RAPGEF3: variants seen among roughly 807,000 people sequenced by gnomAD.
RAPGEF3 encodes the protein 9330170P05Rik.
In RAPGEF3, 103 loss-of-function variants were observed where a neutral mutation model predicts 129.8. The ratio of observed to expected loss-of-function variants is 0.79; its 90% CI spans 0.68 to 0.93. RAPGEF3 has a LOEUF of 0.93. Ranked by LOEUF, RAPGEF3 falls within the 40% of genes least tolerant of loss-of-function variation. The pLI, the probability that RAPGEF3 is intolerant of heterozygous loss-of-function variation, is 0.00. For missense variants in RAPGEF3, 1,117 were observed against 1,207.4 expected (o/e 0.93, Z 1.11); for synonymous variants, 436 against 482.6 (o/e 0.90, Z 1.26).
chr12:47,738,147 G>T (rs987144364), intron 26 of RAPGEF3, 46 bp downstream of exon 26: 6 of 1,613,984 alleles, frequency 3.7e-6, no homozygotes, highest in Non-Finnish European at 4.2e-6. Context: ...GCCTCACAGA[G>T]GATGTAGGGT....
At position 47,741,512 on chromosome 12, in the gene RAPGEF3, T is replaced by G. The variant is rs199902739; in HGVS notation, c.1916A>C (p.His639Pro). 13 of 1,613,918 alleles carry G rather than the reference T, an allele frequency of 8.1e-6. No individual in the cohort carries two copies. The Admixed American group carries it at 1.2e-4, about 14-fold the overall frequency. The part of the protein sequence containing the change: ...RLFVVNPQEV[H>P]ELIPHPDQLG... ...ACCCTGCCTGGTCCCTACCAGCTCA[T>G]GCACTTCCTGTGGGTTGACAACAAA... Residue 639 changes from histidine (H) to proline (P), a missense_variant, in exon 19 of 28, where the codon CAT becomes CCT. Coordinates refer to ENST00000449771, the MANE Select transcript of RAPGEF3 (RefSeq NM_001098531.4).
chr12:47,747,658 G>A (rs1163527399), intron 14 of RAPGEF3, 32 bp from the exon 15 acceptor site: 2 of 1,612,938 alleles, frequency 1.2e-6, no homozygotes, highest in African/African-American at 1.3e-5. Context: ...TGAGATGGCT[G>A]TAGCTGCATC....
chr12:47,738,249 T>A lies in RAPGEF3; in HGVS notation c.2527-2A>T, dbSNP rs755237168. The A allele has an allele frequency of 2.5e-6, 4 of 1,613,232 alleles. No homozygotes were observed. In the South Asian group the frequency reaches 4.4e-5, roughly 18 times the overall value. On this transcript the variant is annotated splice_acceptor_variant, in intron 25 of 27. Coordinates refer to ENST00000449771, the MANE Select transcript of RAPGEF3 (RefSeq NM_001098531.4). LOFTEE classifies it high-confidence loss of function. ...CCGCGCGGCTCTGGCCATCATTCTC[T>A]GCGGACAACACCGGGGCATAAGCTC...
chr12:47,739,983 C>A, intron 23 of RAPGEF3, 158 bp downstream of exon 23: 1 of 857,184 alleles, frequency 1.2e-6, no homozygotes, highest in South Asian at 1.5e-5. Flanking sequence ...CCCAAACTCA[C>A]AGGCTGGAGC....
chr12:47,753,316 C>G (rs1941862605), intron 2 of RAPGEF3, among the ~76,000 whole-genome samples: 1 of 152,216 alleles, frequency 6.6e-6, no homozygotes, highest in South Asian at 2.1e-4. Context: ...TCTCAGTCTC[C>G]CTACACCCAC....
In RAPGEF3 at chr12:47,738,177, G is replaced by A; in HGVS notation, c.2581+16C>T. ...TAGGGTGGGGGACCTCCCACCCCGGGGACCCGCCCTCTCACCAGGGTTGTG... is the reference window on the plus strand; with the variant it reads ...TAGGGTGGGGGACCTCCCACCCCGGAGACCCGCCCTCTCACCAGGGTTGTG... On this transcript the variant is annotated intron_variant, in intron 26 of 27. Coordinates refer to ENST00000449771, the MANE Select transcript of RAPGEF3 (RefSeq NM_001098531.4). 1 of 1,613,880 alleles carries A rather than the reference G, an allele frequency of 6.2e-7. No homozygotes were observed. Among genetic ancestry groups the A allele is most frequent in the South Asian group, 1.1e-5 (1 of 91,060 alleles).
At chr12:47,738,575 A>C in intron 25 of RAPGEF3, 115 bp downstream of exon 25, 1 of 950,024 alleles carries the variant, frequency 1.1e-6, no homozygotes, top group Non-Finnish European at 1.7e-6. Context: ...GTAAGTATTC[A>C]TCCTCATATT....
At position 47,758,744 on chromosome 12, in the gene RAPGEF3, T is replaced by C; in HGVS notation, c.-188A>G. ...AGGATGCAGGGCTCGGTGGAGAGGC[T>C]CCTCTTGGGTGAGTAGAGGGGTGGG... On this transcript the variant is annotated 5_prime_UTR_variant, in exon 1 of 28. Coordinates refer to ENST00000449771, the MANE Select transcript of RAPGEF3 (RefSeq NM_001098531.4). 8.7e-7 allele frequency: 1 copy of C among 1,149,002 alleles called. No individual in the cohort carries two copies. The highest frequency in any genetic ancestry group is 1.1e-6 in the Non-Finnish European group (1 of 927,066). 71.2% of individuals were successfully genotyped at this position (1,149,002 alleles called of 1,614,324 possible). A position where few individuals can be genotyped will look rare whatever the true frequency, so the allele number is the denominator to read the frequency against.
rs1395252419 is a variant in RAPGEF3 at position 47,749,589 on chromosome 12, C to T, written c.895-53G>A. On this transcript the variant is annotated intron_variant, in intron 9 of 27. Transcript: ENST00000449771. The surrounding 1 kb of genome is among the most constrained non-coding windows in gnomAD (Gnocchi z 4.5). ...CCCCTGCCGCCCCTGCCGCCCCCAG[C>T]TCTTGCCAGGACAGACCCACGGCAG... 2.1e-5 allele frequency: 33 copies of T among 1,558,658 alleles called. No individual in the cohort carries two copies. In the East Asian group the frequency reaches 6.3e-4, roughly 30 times the overall value.
At chr12:47,740,558 C>G (rs1941083559) in intron 21 of RAPGEF3, 84 bp downstream of exon 21, 1 of 1,546,952 alleles carries the variant, frequency 6.5e-7, no homozygotes, top group Non-Finnish European at 8.8e-7. Context: ...GCAGATTTGG[C>G]AACATACTAA....
Position 47,758,022 on chromosome 12 carries a change from T to G in RAPGEF3, c.63A>C (p.Pro21=), listed in dbSNP as rs1942195647. The G allele has an allele frequency of 1.3e-6, 2 of 1,576,340 alleles. No individual in the cohort carries two copies. The highest frequency in any genetic ancestry group is 3.6e-5 in the Admixed American group (2 of 54,972). Residue 21 remains proline, a synonymous_variant, in exon 2 of 28, where the codon CCA becomes CCC. Coordinates refer to ENST00000449771, the MANE Select transcript of RAPGEF3 (RefSeq NM_001098531.4). ...WQVGLAVEDS[P]ALGAPRVGAL... ...CTCCCACCCGCGGTGCTCCCAGAGC[T>G]GGGCTATCCTCCACAGCCAGGCCCA...
rs767993156 is a variant in RAPGEF3, at chr12:47,744,040, T to C, written c.1625A>G (p.Asn542Ser). 1.4e-5 allele frequency: 22 copies of C among 1,610,986 alleles called. No individual in the cohort carries two copies. In the East Asian group the frequency reaches 3.3e-4, roughly 24 times the overall value. The change falls in exon 17 of 28, where the codon AAC becomes AGC. Residue 542 changes from asparagine to serine, a missense_variant. Asn to Ser is a conservative substitution (Grantham distance 46). Around this residue, in one of 3 missense-constraint regions of RAPGEF3, gnomAD observed 643 missense variants for 673.4 expected, o/e 0.95. Coordinates refer to ENST00000449771, the MANE Select transcript of RAPGEF3 (RefSeq NM_001098531.4). ...GCTGCCAGGAAGGGGCTCGTCCTGG[T>C]TGGGGAGCCAAACAGGCAAGTTCCG... is the stretch of plus-strand genomic sequence containing the variant. ...KARNLPVWLP[N>S]QDEPLPGSSC...
Position 47,743,992 on chromosome 12 carries a change from TC to T in RAPGEF3, c.1672del (p.Asp558IlefsTer15), listed in dbSNP as rs768349012. 1.9e-6 allele frequency: 3 copies of T among 1,604,640 alleles called. No homozygotes were observed. Among genetic ancestry groups the T allele is most frequent in the Non-Finnish European group, 2.6e-6 (3 of 1,171,690 alleles). ...PGSSCAIQVG[D>X]KVPYDICRPD... is the part of the protein sequence containing the mutation. ...AGCCGGCACAGACCACCAACCTTTA[TC>T]CCCAACTTGGATGGCACAGCTGCTG... On this transcript the variant is annotated frameshift_variant, in exon 17 of 28. Coordinates refer to ENST00000449771, the MANE Select transcript of RAPGEF3 (RefSeq NM_001098531.4). LOFTEE classifies it high-confidence loss of function.
At chr12:47,747,484 C>G (rs1941486555) in intron 15 of RAPGEF3, 60 bp downstream of exon 15, 2 of 1,557,816 alleles carry the variant, frequency 1.3e-6, no homozygotes, top group South Asian at 2.2e-5. Flanking sequence ...AGCGTATGCT[C>G]TTGGTCCCCA....
At chr12:47,740,517 G>A (rs12828238) in intron 21 of RAPGEF3, 122 bp from the exon 22 acceptor site, 386,566 of 1,470,674 alleles carry the variant, frequency 0.26, 52,405 homozygotes, top group African/African-American at 0.39. Flanking sequence ...GAAGGCAGAG[G>A]CTCCAGGGGA....
At chr12:47,754,787 G>A (rs1309268346) in intron 2 of RAPGEF3, among the ~76,000 whole-genome samples, 1 of 152,152 alleles carries the variant, frequency 6.6e-6, no homozygotes, top group Non-Finnish European at 1.5e-5. Context: ...TTCTCAGTTG[G>A]GAAGAAGCAG....
chr12:47,738,962 C>G, intron 24 of RAPGEF3, 181 bp downstream of exon 24: 1 of 690,834 alleles, frequency 1.4e-6, no homozygotes, highest in Non-Finnish European at 2.5e-6. Context: ...TTCTTCCAGT[C>G]TAAGAACTCC....
Position 47,744,048 on chromosome 12 carries a change from C to T in RAPGEF3, c.1617G>A (p.Trp539Ter), listed in dbSNP as rs1045858600. 1 of 1,609,196 alleles carries T rather than the reference C, an allele frequency of 6.2e-7. No individual in the cohort carries two copies. Among genetic ancestry groups the T allele is most frequent in the Non-Finnish European group, 8.5e-7 (1 of 1,175,690 alleles). ...PQMKARNLPV[W>*]LPNQDEPLPG... ...GAAGGGGCTCGTCCTGGTTGGGGAG[C>T]CAAACAGGCAAGTTCCGGGCCTGGG... The change falls in exon 17 of 28, where the codon TGG (tryptophan) becomes TGA (stop). Residue 539 changes from tryptophan (W) to a stop codon, truncating the protein, a stop_gained. Coordinates refer to ENST00000449771, the MANE Select transcript of RAPGEF3 (RefSeq NM_001098531.4). LOFTEE classifies it high-confidence loss of function.
intron 23 of RAPGEF3, chr12:47,739,936 C>G (rs1941042090): frequency 1.6e-6 from 1 of 636,838 alleles, no homozygotes; most frequent in Non-Finnish European, 2.8e-6. Context: ...CGTGCAACCC[C>G]TATCCTAGTG....
Sources: allele counts gnomAD v4.1 joint callset (sites outside exome capture counted in the v4.1 genomes callset), GRCh38; gene constraint gnomAD v4.1.1; regional missense constraint gnomAD v4.1.1; non-coding constraint Gnocchi (gnomAD v3.1); transcripts MANE v1.5; gene names NCBI Gene and HGNC (gene_info 2026-07-23, HGNC 2026-07-21).